ANAPC10: variants seen among roughly 807,000 people sequenced by gnomAD.
ANAPC10 encodes anaphase promoting complex subunit 10.
In ANAPC10, 12 loss-of-function variants were observed where a neutral mutation model predicts 22.0. The ratio of observed to expected loss-of-function variants is 0.55; its 90% confidence interval spans 0.35 to 0.88. The LOEUF (loss-of-function observed/expected upper bound fraction) is 0.88. Among genes scored for constraint, ANAPC10 ranks in the 40% least tolerant of loss-of-function variants. ANAPC10 has a pLI of 0.01. For missense variants in ANAPC10, 188 were observed against 220.9 expected (o/e 0.85, Z 0.94); for synonymous variants, 65 against 69.5 (o/e 0.94, Z 0.32).
At chr4:145,096,170 G>GT (rs1224755554) in intron 1 of ANAPC10, 59 bp from the exon 2 acceptor site, 27 of 1,562,758 alleles carry the variant, frequency 1.7e-5, no homozygotes, top group Non-Finnish European at 2.2e-5. Flanking sequence ...TTCTACAAAA[G>GT]TTTTTTACCA....
At chr4:145,077,738 T>C (rs1745397343) in intron 3 of ANAPC10, among the ~76,000 whole-genome samples, 1 of 152,192 alleles carries the variant, frequency 6.6e-6, no homozygotes, top group South Asian at 2.1e-4. Context: ...TCAATAAATG[T>C]CATTCATCAC....
intron 2 of ANAPC10, among the ~76,000 whole-genome samples, chr4:145,094,235 T>C (rs1333849177): frequency 2.6e-5 from 4 of 152,120 alleles, no homozygotes; most frequent in Non-Finnish European, 5.9e-5. Flanking sequence ...TGAAAGACAC[T>C]AGACCCAATA....
intron 3 of ANAPC10, among the ~76,000 whole-genome samples, chr4:145,081,226 T>TAA (rs70956825): frequency 3.5e-5 from 4 of 115,720 alleles, no homozygotes; most frequent in Non-Finnish European, 3.7e-5. Context: ...AGGTTCTAAG[T>TAA]AAAAAAAAAA....
At chr4:145,038,508 G>A (rs968533467) in intron 4 of ANAPC10, among the ~76,000 whole-genome samples, 3 of 151,714 alleles carry the variant, frequency 2.0e-5, no homozygotes, top group Non-Finnish European at 4.4e-5. Flanking sequence ...GTGAGACTCC[G>A]TCTCAAAGAA....
intron 4 of ANAPC10, among the ~76,000 whole-genome samples, chr4:145,009,772 C>T (rs1043522043): frequency 9.2e-5 from 14 of 152,154 alleles, no homozygotes; most frequent in Non-Finnish European, 1.5e-4. Flanking sequence ...GCAAGGACTT[C>T]ATGTCTAAAA....
At chr4:145,039,220 A>G (rs1276605071) in intron 4 of ANAPC10, among the ~76,000 whole-genome samples, 1 of 152,222 alleles carries the variant, frequency 6.6e-6, no homozygotes, top group Non-Finnish European at 1.5e-5. Flanking sequence ...ATGTGTTTAA[A>G]ATTCTAAGGA....
intron 4 of ANAPC10, among the ~76,000 whole-genome samples, chr4:145,015,299 A>C (rs980789447): frequency 3.7e-4 from 56 of 151,990 alleles, no homozygotes; most frequent in African/African-American, 1.3e-3. Flanking sequence ...AATGCTCTGG[A>C]AAGTCTCAGC....
intron 4 of ANAPC10, among the ~76,000 whole-genome samples, chr4:145,007,643 C>A (rs1733602179): frequency 6.6e-6 from 1 of 152,064 alleles, no homozygotes; most frequent in Non-Finnish European, 1.5e-5. Flanking sequence ...AACAAAGACA[C>A]AACAAACCAG....
chr4:145,052,729 G>A (rs532114760), intron 4 of ANAPC10, among the ~76,000 whole-genome samples: 28 of 151,862 alleles, frequency 1.8e-4, no homozygotes, highest in African/African-American at 4.8e-4. Flanking sequence ...GTGAAAACCC[G>A]TCTCAAAAAT....
intron 2 of ANAPC10, among the ~76,000 whole-genome samples, chr4:145,093,277 A>G (rs1231513273): frequency 6.6e-6 from 1 of 152,214 alleles, no homozygotes; most frequent in African/African-American, 2.4e-5. Context: ...GAAGCCTGTG[A>G]GACACTGAAG....
chr4:145,038,486 C>T (rs961453292), intron 4 of ANAPC10, among the ~76,000 whole-genome samples: 1 of 152,074 alleles, frequency 6.6e-6, no homozygotes, highest in Non-Finnish European at 1.5e-5. Flanking sequence ...ACACTCCACC[C>T]TGGATGACAG....
At chr4:145,017,544 T>C (rs1467730567) in intron 4 of ANAPC10, among the ~76,000 whole-genome samples, 2 of 152,320 alleles carry the variant, frequency 1.3e-5, no homozygotes, top group Non-Finnish European at 2.9e-5. Flanking sequence ...AGTTCAACCA[T>C]TGTGGAAGAC....
intron 4 of ANAPC10, among the ~76,000 whole-genome samples, chr4:145,026,943 ATATG>A (rs1445439551): frequency 3.9e-4 from 10 of 25,794 alleles, no homozygotes; most frequent in African/African-American, 1.3e-3. Context: ...ATATATATAT[ATATG>A]TGTGTGTGTG....
intron 2 of ANAPC10, among the ~76,000 whole-genome samples, chr4:145,086,033 T>C (rs1220892083): frequency 6.6e-6 from 1 of 152,082 alleles, no homozygotes; most frequent in Non-Finnish European, 1.5e-5. Flanking sequence ...CTTCAAAAAA[T>C]AAAAGTCTAA....
intron 4 of ANAPC10, among the ~76,000 whole-genome samples, chr4:145,014,238 T>A (rs1734770044): frequency 6.6e-6 from 1 of 152,088 alleles, no homozygotes; most frequent in African/African-American, 2.4e-5. Context: ...GACTCAGTGC[T>A]GTTGGTGGGG....
chr4:145,010,831 A>C (rs1447490845), intron 4 of ANAPC10, among the ~76,000 whole-genome samples: 1 of 152,144 alleles, frequency 6.6e-6, no homozygotes, highest in African/African-American at 2.4e-5. Flanking sequence ...AATAAAAAAT[A>C]AATAAATAAA....
At chr4:145,020,494 G>A (rs1735815235) in intron 4 of ANAPC10, among the ~76,000 whole-genome samples, 1 of 152,094 alleles carries the variant, frequency 6.6e-6, no homozygotes, top group South Asian at 2.1e-4. Context: ...GCAAAAAGTT[G>A]AAAGCATTCC....
chr4:145,085,093 T>C (rs749768418), intron 2 of ANAPC10, among the ~76,000 whole-genome samples: 3 of 152,034 alleles, frequency 2.0e-5, no homozygotes, highest in African/African-American at 2.4e-5. Context: ...CTGTGCAACA[T>C]AGTGAGACAC....
rs1245481901 is a variant in ANAPC10, at chr4:145,037,047, T to TGTGTGTGTGTGC, written c.327+27524_327+27525insGCACACACACAC. Reference sequence around the variant, plus strand: ...GTGTGTGTGTGTGTGTGTATGTGTGTGCATGCATGAATGTGTGTTTTATGG... The same window carrying TGTGTGTGTGTGC: ...GTGTGTGTGTGTGTGTGTATGTGTGTGTGTGTGTGTGCGCATGCATGAATGTGTGTTTTATGG... On this transcript the variant is annotated intron_variant, in intron 4 of 4. Transcript: ENST00000507656. Among the ~76,000 whole-genome samples the TGTGTGTGTGTGC allele has an allele frequency of 7.4e-5, 11 of 148,402 alleles. 1 individual carries two copies. Among genetic ancestry groups the TGTGTGTGTGTGC allele is most frequent in the African/African-American group, 2.8e-4 (11 of 39,806 alleles).
Sources: allele counts gnomAD v4.1 joint callset (sites outside exome capture counted in the v4.1 genomes callset), GRCh38; gene constraint gnomAD v4.1.1; transcripts MANE v1.5; gene names NCBI Gene and HGNC (gene_info 2026-07-23, HGNC 2026-07-21).